The following FAM184B variants were observed in gnomAD, a reference collection of about 807,000 sequenced individuals.
FAM184B encodes the protein family with sequence similarity 184 member B.
A neutral mutation model predicts 135.9 loss-of-function variants in FAM184B; 111 were observed. The observed-to-expected ratio is 0.82, with a 90% CI of 0.70 to 0.96. The LOEUF (loss-of-function observed/expected upper bound fraction) is 0.96, where lower values mean the gene tolerates loss of function less well. FAM184B is among the 40% of genes least tolerant of loss of function. FAM184B has a pLI of 0.00. For synonymous variants in FAM184B, 552 were observed against 524.8 expected, an observed-to-expected ratio of 1.05 and a Z score of -0.71; for missense variants, 1,375 against 1,323.9, an observed-to-expected ratio of 1.04 and a Z score of -0.60.
At chr4:17,647,580 G>A in intron 12 of FAM184B, 57 bp downstream of exon 12, 1 of 1,512,520 alleles carries the variant, frequency 6.6e-7, no homozygotes, top group Non-Finnish European at 8.9e-7. Context: ...GCTTCTTACT[G>A]CGGCCCTGAT....
chr4:17,708,683 A>AG (rs1577269903), intron 2 of FAM184B, among the ~76,000 whole-genome samples: 1 of 42,356 alleles, frequency 2.4e-5, no homozygotes, highest in African/African-American at 1.0e-4. Context: ...ATATATATAT[A>AG]TATATATATA....
intron 1 of FAM184B, among the ~76,000 whole-genome samples, chr4:17,753,462 C>T (rs1718345192): frequency 6.6e-6 from 1 of 152,096 alleles, no homozygotes; most frequent in Non-Finnish European, 1.5e-5. Context: ...TTAAAGATAA[C>T]CATAAGACAA....
intron 10 of FAM184B, 114 bp downstream of exon 10, chr4:17,658,236 C>T (rs754355059): frequency 3.1e-5 from 31 of 991,238 alleles, no homozygotes; most frequent in African/African-American, 9.7e-5. Context: ...TAATAACAAT[C>T]TGGAAAGATG....
intron 10 of FAM184B, among the ~76,000 whole-genome samples, chr4:17,656,239 C>G (rs1715776502): frequency 6.6e-6 from 1 of 152,132 alleles, no homozygotes; most frequent in South Asian, 2.1e-4. Flanking sequence ...CCATGTCACC[C>G]AGCAGTGAAT....
chr4:17,688,471 T>C lies in FAM184B; in HGVS notation c.1549A>G (p.Ser517Gly), dbSNP rs778429678. 2 of 1,551,314 alleles carry C rather than the reference T, an allele frequency of 1.3e-6. No homozygotes were observed. Among genetic ancestry groups the C allele is most frequent in the South Asian group, 1.2e-5 (1 of 83,992 alleles). ...NKTRPTGAEE[S>G]PQELGRQHCS... Reference sequence around the variant, plus strand: ...TGCTGGCGGCCTAATTCCTGGGGACTTTCCTCAGCTCCTGTGGGGCGTGTC... The same window carrying C: ...TGCTGGCGGCCTAATTCCTGGGGACCTTCCTCAGCTCCTGTGGGGCGTGTC... The change falls in exon 7 of 18, where the codon AGT becomes GGT. Residue 517 changes from serine (S) to glycine (G), a missense_variant. Coordinates refer to ENST00000265018, the MANE Select transcript of FAM184B (RefSeq NM_015688.2).
intron 1 of FAM184B, among the ~76,000 whole-genome samples, chr4:17,766,129 G>A (rs1342927002): frequency 6.6e-6 from 1 of 152,198 alleles, no homozygotes; most frequent in African/African-American, 2.4e-5. Flanking sequence ...AACCTAACCA[G>A]GTTGCCATTG....
rs373415593 is a variant in FAM184B at position 17,723,412 on chromosome 4, C to A, written c.142-13768G>T. Among the ~76,000 whole-genome samples the A allele has an allele frequency of 1.8e-4, 27 of 152,350 alleles. No homozygotes were observed. The East Asian group carries it at 5.2e-3, about 29-fold the overall frequency. ...TTAGGTCACCTTTGCCAGTTGTCTT[C>A]CCAGCAATGGCTGAATTTCTGTGCC... On this transcript the variant is annotated intron_variant, in intron 1 of 17. Coordinates refer to ENST00000265018, the MANE Select transcript of FAM184B (RefSeq NM_015688.2).
At chr4:17,755,431 G>A (rs1030883021) in intron 1 of FAM184B, among the ~76,000 whole-genome samples, 5 of 152,182 alleles carry the variant, frequency 3.3e-5, no homozygotes, top group Non-Finnish European at 7.3e-5. Context: ...AGGTTGTGGA[G>A]AAAAAGGAAT....
intron 1 of FAM184B, among the ~76,000 whole-genome samples, chr4:17,713,434 A>G (rs916427513): frequency 1.2e-4 from 18 of 152,182 alleles, no homozygotes; most frequent in African/African-American, 4.1e-4. Flanking sequence ...ACTTCTGTTA[A>G]TTTCCGTGAC....
At chr4:17,638,693 A>G (rs1715220872) in intron 14 of FAM184B, among the ~76,000 whole-genome samples, 1 of 152,184 alleles carries the variant, frequency 6.6e-6, no homozygotes, top group Non-Finnish European at 1.5e-5. Flanking sequence ...AACAATTCTA[A>G]TTGAGCAGCC....
intron 1 of FAM184B, among the ~76,000 whole-genome samples, chr4:17,763,181 T>C (rs529643952): frequency 3.2e-4 from 49 of 152,238 alleles, no homozygotes; most frequent in Non-Finnish European, 6.3e-4. Flanking sequence ...TAAGTCACAA[T>C]GAGGAGACTG....
intron 1 of FAM184B, among the ~76,000 whole-genome samples, chr4:17,740,721 T>C (rs868306919): frequency 6.6e-6 from 1 of 152,226 alleles, no homozygotes; most frequent in African/African-American, 2.4e-5. Context: ...ATTATACTTA[T>C]CTAATATTTA....
chr4:17,655,710 GATC>G (rs1187585529), intron 10 of FAM184B, among the ~76,000 whole-genome samples: 1 of 152,172 alleles, frequency 6.6e-6, no homozygotes, highest in Non-Finnish European at 1.5e-5. Flanking sequence ...ATAGTGTAGT[GATC>G]ATCTGGTATC....
At chr4:17,689,652 C>A (rs1716675145) in intron 6 of FAM184B, among the ~76,000 whole-genome samples, 1 of 151,938 alleles carries the variant, frequency 6.6e-6, no homozygotes, top group Non-Finnish European at 1.5e-5. Flanking sequence ...AAATTATTTT[C>A]TTTTTTAAAA....
rs1392678607 is a variant in FAM184B at position 17,639,283 on chromosome 4, T to C, written c.2633A>G (p.Gln878Arg). ...MVADFSSAQA[Q>R]LQARLAALEA... ...CAGGGCAGCCAGCCGGGCCTGGAGC[T>C]GGGCCTGGGCACTACTGAAATCTGC... The change falls in exon 14 of 18, where the codon CAG becomes CGG. Residue 878 changes from glutamine to arginine, a missense_variant. Transcript: ENST00000265018. 1.3e-6 allele frequency: 2 copies of C among 1,551,698 alleles called. No individual in the cohort carries two copies. The highest frequency in any genetic ancestry group is 3.9e-5 in the Admixed American group (2 of 50,998).
At chr4:17,644,934 C>T (rs1481131188) in intron 12 of FAM184B, among the ~76,000 whole-genome samples, 1 of 152,112 alleles carries the variant, frequency 6.6e-6, no homozygotes, top group African/African-American at 2.4e-5. Context: ...TTCTTATACA[C>T]CAATAACAGA....
intron 6 of FAM184B, among the ~76,000 whole-genome samples, chr4:17,690,617 T>C (rs1716711679): frequency 6.6e-6 from 1 of 152,142 alleles, no homozygotes; most frequent in East Asian, 1.9e-4. Flanking sequence ...TTCCAGACTT[T>C]CCATAAGGAA....
At chr4:17,724,111 TCACACA>T (rs112763574) in intron 1 of FAM184B, among the ~76,000 whole-genome samples, 6 of 150,180 alleles carry the variant, frequency 4.0e-5, no homozygotes, top group South Asian at 2.1e-4. Flanking sequence ...AAACAAAATC[TCACACA>T]CACACACACA....
intron 7 of FAM184B, among the ~76,000 whole-genome samples, chr4:17,682,160 T>C (rs1466256089): frequency 2.0e-5 from 3 of 152,154 alleles, no homozygotes; most frequent in Admixed American, 2.0e-4. Context: ...GGTGTATATA[T>C]GAAAACTTCC....
Sources: gnomAD v4.1 joint callset for allele counts (sites outside exome capture counted in the v4.1 genomes callset) on GRCh38, gnomAD v4.1.1 for gene constraint, MANE v1.5 for transcripts, NCBI Gene and HGNC (gene_info 2026-07-23, HGNC 2026-07-21) for gene names.